The following FRMPD4 variants were observed in gnomAD, a reference collection of about 807,000 sequenced individuals.
FRMPD4 encodes FERM and PDZ domain containing 4.
Under a neutral mutation model 94.1 loss-of-function variants are expected in FRMPD4, and 22 were observed. That is an observed-to-expected ratio of 0.23 (90% CI 0.17 to 0.33). The LOEUF (loss-of-function observed/expected upper bound fraction) is 0.33. Ranked by LOEUF, FRMPD4 falls within the 10% of genes least tolerant of loss-of-function variation. FRMPD4 has a pLI of 1.00. For synonymous variants in FRMPD4, 631 were observed against 548.6 expected (o/e 1.15, Z -2.10); for missense variants, 1,111 against 1,339.9 (o/e 0.83, Z 2.67).
chrX:12,636,709 C>T (rs2059446187), intron 4 of FRMPD4, among the ~76,000 whole-genome samples: 1 of 112,075 alleles, frequency 8.9e-6, no homozygotes, highest in Non-Finnish European at 1.9e-5. Flanking sequence ...AGTTGTTTCA[C>T]TGGCATTCCC....
chrX:12,116,952 C>G (rs1296798283), intron 3 of FRMPD4, among the ~76,000 whole-genome samples: 2 of 112,121 alleles, frequency 1.8e-5, no homozygotes, highest in Non-Finnish European at 3.8e-5. Context: ...TATTTATTTA[C>G]TCATTAAGTA....
intron 1 of FRMPD4, among the ~76,000 whole-genome samples, chrX:12,218,547 A>G (rs1476114280): frequency 8.9e-6 from 1 of 112,424 alleles, no homozygotes; most frequent in Non-Finnish European, 1.9e-5. Flanking sequence ...ATAGATCTTT[A>G]TTGAATTTAT....
chrX:12,053,346 GAAAGGAAAGAAAGAAGAAAGAAAGAAA>G (rs1353756031), intron 3 of FRMPD4, among the ~76,000 whole-genome samples: 4 of 78,023 alleles, frequency 5.1e-5, no homozygotes, highest in African/African-American at 1.9e-4. Flanking sequence ...AAGAAAGAAA[GAAAGGAAAGAAAGAAGAAAGAAAGAAA>G]GAAAGAAAGA....
At chrX:11,908,465 T>G (rs2053979831) in intron 3 of FRMPD4, among the ~76,000 whole-genome samples, 1 of 112,481 alleles carries the variant, frequency 8.9e-6, no homozygotes, top group Non-Finnish European at 1.9e-5. Flanking sequence ...AACAGAGTTA[T>G]GGACTTTCAT....
chrX:11,966,405 CACTT>C (rs1369022978), intron 3 of FRMPD4, among the ~76,000 whole-genome samples: 1 of 111,636 alleles, frequency 9.0e-6, no homozygotes, highest in Non-Finnish European at 1.9e-5. Flanking sequence ...TCCCACCAAA[CACTT>C]AATCTGTTGG....
chrX:12,119,943 C>T (rs1210008872), intron 3 of FRMPD4, among the ~76,000 whole-genome samples: 2 of 112,010 alleles, frequency 1.8e-5, no homozygotes, highest in South Asian at 3.7e-4. Flanking sequence ...GTCAGTTCCA[C>T]GACACTTAGT....
At chrX:12,349,125 C>G (rs5933991) in intron 1 of FRMPD4, among the ~76,000 whole-genome samples, 40,962 of 110,235 alleles carry the variant, frequency 0.37, 5,604 homozygotes, top group African/African-American at 0.46. Flanking sequence ...AAGGTTGAAG[C>G]AGGAGTCACT....
intron 1 of FRMPD4, among the ~76,000 whole-genome samples, chrX:12,165,412 T>C (rs1292213403): frequency 8.9e-6 from 1 of 111,976 alleles, no homozygotes; most frequent in African/African-American, 3.3e-5. Context: ...GGTCTATATC[T>C]CTATTTTGGT....
chrX:11,827,557 G>A (rs1044439843), intron 1 of FRMPD4, among the ~76,000 whole-genome samples: 41 of 111,243 alleles, frequency 3.7e-4, no homozygotes, highest in African/African-American at 1.3e-3. Flanking sequence ...AAGAAGATAT[G>A]TAGTAGTCCA....
At chrX:11,963,685 A>G (rs1325787811) in intron 3 of FRMPD4, among the ~76,000 whole-genome samples, 1 of 112,375 alleles carries the variant, frequency 8.9e-6, no homozygotes, top group Non-Finnish European at 1.9e-5. Flanking sequence ...GCAGAGATGC[A>G]TGGGCAAGCC....
chrX:12,663,406 G>C (rs749166462), intron 4 of FRMPD4, among the ~76,000 whole-genome samples: 1,921 of 111,742 alleles, frequency 0.017, 32 homozygotes, highest in African/African-American at 0.059. Flanking sequence ...TCAGTTTTTT[G>C]CATATGGCTA....
chrX:12,026,406 T>C (rs1468691952), intron 3 of FRMPD4, among the ~76,000 whole-genome samples: 3 of 111,923 alleles, frequency 2.7e-5, no homozygotes, highest in Non-Finnish European at 5.6e-5. Flanking sequence ...AAGGGAGATA[T>C]AAATTAATTT....
chrX:12,160,068 GGTGTGTGTGTGTGTGT>G (rs757966489), intron 1 of FRMPD4, among the ~76,000 whole-genome samples: 1 of 100,050 alleles, frequency 1.0e-5, no homozygotes, highest in Non-Finnish European at 2.0e-5. Flanking sequence ...GATGTTGAGG[GGTGTGTGTGTGTGTGT>G]GTGTGTGTGT....
chrX:12,106,742 C>A (rs1043348524), intron 3 of FRMPD4, among the ~76,000 whole-genome samples: 12 of 111,912 alleles, frequency 1.1e-4, no homozygotes, highest in Admixed American at 4.7e-4. Flanking sequence ...AAATGGCACA[C>A]CAGATTATAT....
intron 1 of FRMPD4, among the ~76,000 whole-genome samples, chrX:12,451,509 A>G (rs1183878961): frequency 8.9e-6 from 1 of 111,851 alleles, no homozygotes; most frequent in Non-Finnish European, 1.9e-5. Flanking sequence ...CATACATATC[A>G]TATTTTGACT....
At chrX:12,237,000 C>A (rs1012050444) in intron 1 of FRMPD4, among the ~76,000 whole-genome samples, 1 of 111,594 alleles carries the variant, frequency 9.0e-6, no homozygotes, top group African/African-American at 3.3e-5. Flanking sequence ...ACAGGACAGT[C>A]CCCACAGCAA....
At chrX:12,543,478 C>G (rs2058439453) in intron 2 of FRMPD4, among the ~76,000 whole-genome samples, 1 of 112,360 alleles carries the variant, frequency 8.9e-6, no homozygotes, top group Non-Finnish European at 1.9e-5. Context: ...ATCCAAAAGA[C>G]ACATGAAAAA....
At chrX:12,250,744 G>A (rs1175047478) in intron 1 of FRMPD4, among the ~76,000 whole-genome samples, 1 of 111,886 alleles carries the variant, frequency 8.9e-6, no homozygotes, top group Non-Finnish European at 1.9e-5. Context: ...TTGTGGAATT[G>A]CAGATCAGGA....
At chrX:12,183,109 G>GCTAT (rs34434788) in intron 1 of FRMPD4, among the ~76,000 whole-genome samples, 50,645 of 107,310 alleles carry the variant, frequency 0.47, 9,105 homozygotes, top group East Asian at 0.75. Context: ...TGTCATTGTT[G>GCTAT]CTATCTATCT....
Sources: allele counts gnomAD v4.1 joint callset (sites outside exome capture counted in the v4.1 genomes callset), GRCh38; gene constraint gnomAD v4.1.1; transcripts MANE v1.5; gene names NCBI Gene and HGNC (gene_info 2026-07-23, HGNC 2026-07-21).